The following MIEF1 variants were observed in gnomAD, a reference collection of about 807,000 sequenced individuals.
MIEF1 encodes the protein mitochondrial dynamics protein MIEF1.
MIEF1 carries 14 observed loss-of-function variants against 35.1 expected under a neutral mutation model. The ratio of observed to expected loss-of-function variants is 0.40; its 90% CI spans 0.26 to 0.62. The LOEUF is 0.62. Among genes scored for constraint, MIEF1 ranks in the 20% least tolerant of loss-of-function variants. MIEF1 has a pLI of 0.43. For synonymous variants in MIEF1, 245 were observed against 254.3 expected, an observed-to-expected ratio of 0.96 and a Z score of 0.35; for missense variants, 542 against 615.4, an observed-to-expected ratio of 0.88 and a Z score of 1.26.
At chr22:39,513,478 G>C in intron 5 of MIEF1, 39 bp from the exon 6 acceptor site, 9 of 1,590,112 alleles carry the variant, frequency 5.7e-6, no homozygotes, top group Non-Finnish European at 6.9e-6. Flanking sequence ...CTTTTGAACA[G>C]AGTAAACCCT....
At chr22:39,507,444 A>C (rs1930090189) in intron 2 of MIEF1, among the ~76,000 whole-genome samples, 1 of 151,608 alleles carries the variant, frequency 6.6e-6, no homozygotes, top group Non-Finnish European at 1.5e-5. Context: ...ACAGAGGTTC[A>C]CCGTGTTAGC....
intron 5 of MIEF1, 72 bp from the exon 6 acceptor site, chr22:39,513,445 G>T (rs1930475737): frequency 1.4e-6 from 2 of 1,451,390 alleles, no homozygotes; most frequent in Non-Finnish European, 1.9e-6. Context: ...AAGATGGTGG[G>T]AACCGTCTTA....
At chr22:39,506,701 T>C (rs1273007228) in intron 2 of MIEF1, among the ~76,000 whole-genome samples, 1 of 152,238 alleles carries the variant, frequency 6.6e-6, no homozygotes. Flanking sequence ...AAGGCCTCCA[T>C]TATTCATCAT....
chr22:39,508,105 G>A (rs907455385), intron 2 of MIEF1, among the ~76,000 whole-genome samples: 8 of 152,164 alleles, frequency 5.3e-5, no homozygotes, highest in South Asian at 2.1e-4. Context: ...AGTTTATACC[G>A]TTCACATACA....
At chr22:39,510,200 C>A (rs187030493) in intron 2 of MIEF1, among the ~76,000 whole-genome samples, 1 of 152,124 alleles carries the variant, frequency 6.6e-6, no homozygotes, top group Non-Finnish European at 1.5e-5. Context: ...TCAGGTGATC[C>A]GCCTGCCTCG....
chr22:39,507,661 C>T (rs569622305), intron 2 of MIEF1, among the ~76,000 whole-genome samples: 78 of 151,712 alleles, frequency 5.1e-4, no homozygotes, highest in African/African-American at 1.8e-3. Flanking sequence ...GTCAGGAGTT[C>T]GAGACCAGCC....
At chr22:39,508,079 C>T (rs1172898013) in intron 2 of MIEF1, among the ~76,000 whole-genome samples, 2 of 152,164 alleles carry the variant, frequency 1.3e-5, no homozygotes. Context: ...AGTTTATAGA[C>T]CATCCACTGC....
At position 39,514,627 on chromosome 22, in the gene MIEF1, G is replaced by A. The variant is rs571606433; in HGVS notation, c.*304G>A. 5.6e-5 allele frequency: 23 copies of A among 413,778 alleles called. No individual in the cohort carries two copies. In the East Asian group the frequency reaches 6.9e-4, roughly 12 times the overall value. 25.6% of individuals were successfully genotyped at this position (413,778 alleles called of 1,614,324 possible). ...GCTGATGGACCACTTGGTGTTTTGC[G>A]TTTTGGCCCATGTTTGCTGCCTCTA... On this transcript the variant is annotated 3_prime_UTR_variant, in exon 6 of 6. Coordinates refer to ENST00000325301, the MANE Select transcript of MIEF1 (RefSeq NM_019008.6).
At chr22:39,501,507 C>T (rs1034765133), upstream of MIEF1, among the ~76,000 whole-genome samples, 1 of 152,316 alleles carries the variant, frequency 6.6e-6, no homozygotes, top group Non-Finnish European at 1.5e-5. Flanking sequence ...TCCAAAGCCC[C>T]AGGCCCTGGG....
rs572551883 is a variant in MIEF1 at position 39,515,382 on chromosome 22, C to A, written c.*1059C>A. The A allele has an allele frequency of 1.9e-4, 135 of 715,064 alleles. No individual in the cohort carries two copies. Among genetic ancestry groups the A allele is most frequent in the Non-Finnish European group, 3.0e-4 (115 of 383,624 alleles). 44.3% of individuals were successfully genotyped at this position (715,064 alleles called of 1,614,324 possible). On this transcript the variant is annotated 3_prime_UTR_variant, in exon 6 of 6. Coordinates refer to ENST00000325301, the MANE Select transcript of MIEF1 (RefSeq NM_019008.6). ...AGGCCCTGCTTTTCTAGGATGTGGC[C>A]TTAGAGCAAGAACAGACCCAACAGC... is the stretch of plus-strand genomic sequence containing the variant.
chr22:39,515,449 G>A lies in MIEF1; in HGVS notation c.*1126G>A. 1.5e-6 allele frequency: 1 copy of A among 672,518 alleles called. No individual in the cohort carries two copies. Among genetic ancestry groups the A allele is most frequent in the South Asian group, 1.7e-5 (1 of 59,350 alleles). The allele number at this position is 672,518 out of a possible 1,614,324, so 41.7% of individuals were successfully genotyped here. A position where few individuals can be genotyped will look rare whatever the true frequency, so the allele number is the denominator to read the frequency against. On this transcript the variant is annotated 3_prime_UTR_variant, in exon 6 of 6. Coordinates refer to ENST00000325301, the MANE Select transcript of MIEF1 (RefSeq NM_019008.6). ...AGCGTCTGCCATAGGAATGTGAGAGGGGTGTTTGCTGAGCGCTCCGGGCAC... is the reference window on the plus strand; with the variant it reads ...AGCGTCTGCCATAGGAATGTGAGAGAGGTGTTTGCTGAGCGCTCCGGGCAC...
rs1037462627 is a variant in MIEF1, at chr22:39,516,555, A to T, written c.*2232A>T. On this transcript the variant is annotated 3_prime_UTR_variant, in exon 6 of 6. Transcript: ENST00000325301. ...CCGTCTCCACGAAAAAGATAAAAATAAGCTGGGCGTGGTGGCAGGCGCCTA... is the reference window on the plus strand; with the variant it reads ...CCGTCTCCACGAAAAAGATAAAAATTAGCTGGGCGTGGTGGCAGGCGCCTA... The T allele has an allele frequency of 6.6e-6, 1 of 152,118 alleles. No individual in the cohort carries two copies. Among genetic ancestry groups the T allele is most frequent in the South Asian group, 2.1e-4 (1 of 4,834 alleles). 9.4% of individuals were successfully genotyped at this position (152,118 alleles called of 1,614,324 possible).
chr22:39,507,722 G>A (rs934594148), intron 2 of MIEF1, among the ~76,000 whole-genome samples: 2 of 151,768 alleles, frequency 1.3e-5, no homozygotes, highest in African/African-American at 2.4e-5. Context: ...AAAATTAGCA[G>A]GGTGTGGTGG....
chr22:39,507,814 G>A (rs577729613), intron 2 of MIEF1, among the ~76,000 whole-genome samples: 5 of 152,072 alleles, frequency 3.3e-5, no homozygotes, highest in South Asian at 2.1e-4. Context: ...GCAGTGAGCC[G>A]GGATTGCCCC....
At chr22:39,507,465 T>C (rs1224963288) in intron 2 of MIEF1, among the ~76,000 whole-genome samples, 1 of 151,824 alleles carries the variant, frequency 6.6e-6, no homozygotes, top group Non-Finnish European at 1.5e-5. Context: ...CAGGATGGTC[T>C]CGATCTCCTG....
In MIEF1 at chr22:39,513,713, C is replaced by T. The variant is rs747820697; in HGVS notation, c.782C>T (p.Thr261Ile). 5 of 1,614,094 alleles carry T rather than the reference C, an allele frequency of 3.1e-6. No homozygotes were observed. The East Asian group carries it at 8.9e-5, about 29-fold the overall frequency. ...CVVGGYLSPK[T>I]VADTFEKVVA... ...GTAGGGGGCTACCTCTCTCCAAAGA[C>T]AGTCGCAGATACATTTGAGAAGGTA... Residue 261 changes from threonine to isoleucine, a missense_variant, in exon 6 of 6, where the codon ACA (threonine) becomes ATA (isoleucine). Transcript: ENST00000325301.
At chr22:39,501,697 G>A (rs1929709892), upstream of MIEF1, 1 of 152,306 alleles carries the variant, frequency 6.6e-6, no homozygotes, top group East Asian at 1.9e-4. Flanking sequence ...CGTAAGATGT[G>A]CAGACATTTC....
chr22:39,513,596 A>G lies in MIEF1; in HGVS notation c.665A>G (p.Asp222Gly), dbSNP rs200542861. 6.8e-6 allele frequency: 11 copies of G among 1,614,200 alleles called. No individual in the cohort carries two copies. The Admixed American group carries it at 1.8e-4, about 27-fold the overall frequency. The change falls in exon 6 of 6, where the codon GAC becomes GGC. Residue 222 changes from aspartate (D) to glycine (G), a missense_variant. Coordinates refer to ENST00000325301, the MANE Select transcript of MIEF1 (RefSeq NM_019008.6). Reference sequence around the variant, plus strand: ...CTGTGGTCATGTATTCCTGGTGAAGACACCATCATGAATGTCCCTGGCTTC... The same window carrying G: ...CTGTGGTCATGTATTCCTGGTGAAGGCACCATCATGAATGTCCCTGGCTTC... ...QNLWSCIPGE[D>G]TIMNVPGFFL...
Position 39,511,966 on chromosome 22 carries a change from A to G in MIEF1, c.262A>G (p.Lys88Glu), listed in dbSNP as rs781337794. ...GSPRLLNRDM[K>E]TGLSRSLQTL... ...CCCACGACTGCTGAACAGGGACATG[A>G]AGACGGGCCTGAGCCGGTCCTTGCA... is the stretch of plus-strand genomic sequence containing the variant. The change falls in exon 4 of 6, where the codon AAG becomes GAG. Residue 88 changes from lysine (K) to glutamate (E), a missense_variant. Coordinates refer to ENST00000325301, the MANE Select transcript of MIEF1 (RefSeq NM_019008.6). 6 of 1,614,198 alleles carry G rather than the reference A, an allele frequency of 3.7e-6. No individual in the cohort carries two copies. The Admixed American group carries it at 1.0e-4, about 27-fold the overall frequency.
Sources: allele counts gnomAD v4.1 joint callset (sites outside exome capture counted in the v4.1 genomes callset), GRCh38; gene constraint gnomAD v4.1.1; transcripts MANE v1.5; gene names NCBI Gene and HGNC (gene_info 2026-07-23, HGNC 2026-07-21).